The following GPNMB variants were observed in gnomAD, a reference collection of about 807,000 sequenced individuals.
GPNMB encodes the protein transmembrane glycoprotein NMB.
GPNMB carries 71 observed loss-of-function variants against 57.3 expected under a neutral mutation model. The observed-to-expected ratio is 1.24, with a 90% CI of 1.02 to 1.51. The LOEUF is 1.51. Among genes scored for constraint, GPNMB ranks in the 40% most tolerant of loss-of-function variants. GPNMB has a pLI of 0.00. For synonymous variants in GPNMB, 253 were observed against 263.2 expected (o/e 0.96, Z 0.38); for missense variants, 677 against 691.9 (o/e 0.98, Z 0.24).
rs577577242 is a variant in GPNMB, at chr7:23,273,214, T to C, written c.1430-307T>C. 6 of 259,832 alleles carry C rather than the reference T, an allele frequency of 2.3e-5. No homozygotes were observed. In the Admixed American group the frequency reaches 2.7e-4, roughly 12 times the overall value. The allele number at this position is 259,832 out of a possible 1,614,324, so 16.1% of individuals were successfully genotyped here. ...AGAGGAAGCTGGAGGCACGGCCGCC[T>C]GATCACAGGAGCCCTTCCACACGGT... On this transcript the variant is annotated intron_variant, in intron 9 of 10. Transcript: ENST00000258733.
chr7:23,253,270 A>C (rs1284397295), intron 1 of GPNMB, 37 bp from the exon 2 acceptor site: 9 of 1,594,894 alleles, frequency 5.6e-6, no homozygotes, highest in Middle Eastern at 1.7e-4. Context: ...GGTGATTACT[A>C]AATGAAGAAT....
rs546667838 is a variant in GPNMB, at chr7:23,261,660, T to C, written c.1018+887T>C. On this transcript the variant is annotated intron_variant, in intron 6 of 10. Coordinates refer to ENST00000258733, the MANE Select transcript of GPNMB (RefSeq NM_002510.3). ...GTAGGGGTAGGGAGGCGGGATGGCA[T>C]TAACAGAAATACCTATTGTAAATGA... 2.6e-5 allele frequency among the ~76,000 whole-genome samples: 4 copies of C among 152,046 alleles called. No homozygotes were observed. The East Asian group carries it at 7.7e-4, about 29-fold the overall frequency.
intron 9 of GPNMB, among the ~76,000 whole-genome samples, chr7:23,271,668 C>T (rs891975697): frequency 3.3e-5 from 5 of 151,794 alleles, no homozygotes; most frequent in South Asian, 2.1e-4. Flanking sequence ...TGGTGGTGGG[C>T]GCCTGTAGTC....
At chr7:23,252,694 C>G (rs78993607) in intron 1 of GPNMB, among the ~76,000 whole-genome samples, 5,594 of 152,178 alleles carry the variant, frequency 0.037, 323 homozygotes, top group African/African-American at 0.12. Flanking sequence ...CTCAGTAACT[C>G]AAATAACAAG....
intron 9 of GPNMB, among the ~76,000 whole-genome samples, chr7:23,271,395 TA>T (rs537500060): frequency 3.6e-4 from 55 of 152,350 alleles, no homozygotes; most frequent in African/African-American, 1.3e-3. Context: ...TACAATCTAA[TA>T]GCTCATTCAC....
chr7:23,266,662 C>A (rs1334862260), intron 7 of GPNMB, 47 bp downstream of exon 7: 15 of 1,571,180 alleles, frequency 9.5e-6, no homozygotes, highest in African/African-American at 1.4e-5. Context: ...TAGACTCCAC[C>A]TAGGGTCACC....
At chr7:23,260,196 G>C in intron 5 of GPNMB, 58 bp downstream of exon 5, 4 of 1,571,890 alleles carry the variant, frequency 2.5e-6, no homozygotes, top group Non-Finnish European at 3.5e-6. Context: ...ACGTCAATGG[G>C]TTAAAAAAGA....
intron 10 of GPNMB, 64 bp from the exon 11 acceptor site, chr7:23,274,001 G>T (rs151306653): frequency 2.4e-6 from 3 of 1,276,046 alleles, no homozygotes; most frequent in Non-Finnish European, 3.3e-6. Context: ...GAAAAAGATT[G>T]TAGAAAGTTG....
At position 23,262,221 on chromosome 7, in the gene GPNMB, A is replaced by G. The variant is rs900975472; in HGVS notation, c.1018+1448A>G. Among the ~76,000 whole-genome samples the G allele has an allele frequency of 3.3e-5, 5 of 152,372 alleles. No homozygotes were observed. The East Asian group carries it at 9.6e-4, about 29-fold the overall frequency. ...GTTATCACTGATTTCGATTATCTCA[A>G]AAATGTTTTAAATTACAAAGTTTAT... is the stretch of plus-strand genomic sequence containing the variant. On this transcript the variant is annotated intron_variant, in intron 6 of 10. Coordinates refer to ENST00000258733, the MANE Select transcript of GPNMB (RefSeq NM_002510.3).
At chr7:23,257,956 GAT>G (rs1782821267) in intron 4 of GPNMB, 1 of 152,056 alleles carries the variant, frequency 6.6e-6, no homozygotes, top group Non-Finnish European at 1.5e-5. Flanking sequence ...AGCATTTGAT[GAT>G]ATGATTTTTT....
At chr7:23,251,041 T>A (rs1356336005) in intron 1 of GPNMB, among the ~76,000 whole-genome samples, 1 of 152,196 alleles carries the variant, frequency 6.6e-6, no homozygotes, top group South Asian at 2.1e-4. Flanking sequence ...AGCAATCTCA[T>A]AGAATCACAG....
chr7:23,258,838 T>C (rs1782842790), intron 4 of GPNMB, among the ~76,000 whole-genome samples: 2 of 152,226 alleles, frequency 1.3e-5, no homozygotes, highest in Non-Finnish European at 2.9e-5. Flanking sequence ...GAGAGACCAG[T>C]GTGTTTTTCT....
Position 23,254,176 on chromosome 7 carries a change from T to C in GPNMB, c.231T>C (p.Arg77=), listed in dbSNP as rs755230681. ...MRWKNSWKGG[R]VQAVLTSDSP... is the part of the protein sequence containing the mutation. ...CACTTTTTTATACCCTAGGAGGCCG[T>C]GTGCAGGCGGTCCTGACCAGTGACT... The change falls in exon 3 of 11, where the codon CGT becomes CGC. Residue 77 remains arginine, a synonymous_variant. Coordinates refer to ENST00000258733, the MANE Select transcript of GPNMB (RefSeq NM_002510.3). 6 of 1,612,664 alleles carry C rather than the reference T, an allele frequency of 3.7e-6. No homozygotes were observed. In the South Asian group the frequency reaches 6.6e-5, roughly 18 times the overall value.
At chr7:23,266,124 A>AT (rs1372845899) in intron 6 of GPNMB, 1 of 160,806 alleles carries the variant, frequency 6.2e-6, no homozygotes, top group African/African-American at 2.4e-5. Context: ...AATTTTTTGT[A>AT]TTTTTTAGTA....
intron 3 of GPNMB, among the ~76,000 whole-genome samples, chr7:23,256,121 G>A (rs532945012): frequency 8.1e-4 from 123 of 152,190 alleles, no homozygotes; most frequent in African/African-American, 2.8e-3. Flanking sequence ...GGCCAGGCTG[G>A]TCTCGAACTC....
At chr7:23,269,815 A>T (rs1783155079) in intron 8 of GPNMB, 152 bp from the exon 9 acceptor site, 5 of 650,542 alleles carry the variant, frequency 7.7e-6, no homozygotes, top group Non-Finnish European at 1.4e-5. Context: ...AGATTATAAG[A>T]CTAACAATTC....
chr7:23,249,439 C>T (rs1280111834), intron 1 of GPNMB, among the ~76,000 whole-genome samples: 2 of 152,194 alleles, frequency 1.3e-5, no homozygotes, highest in African/African-American at 4.8e-5. Context: ...AGATGTATAG[C>T]CAAATCTACT....
chr7:23,253,759 C>T (rs907341091), intron 2 of GPNMB, among the ~76,000 whole-genome samples: 3 of 152,194 alleles, frequency 2.0e-5, no homozygotes, highest in Admixed American at 2.0e-4. Flanking sequence ...TCTTCAGAAA[C>T]CCAGTCACCC....
chr7:23,247,270 C>G (rs1562629473), intron 1 of GPNMB: 3 of 317,176 alleles, frequency 9.5e-6, no homozygotes, highest in South Asian at 9.4e-5. Context: ...ACCAACTAAA[C>G]TATGTCCAGC....
Sources: allele counts gnomAD v4.1 joint callset (sites outside exome capture counted in the v4.1 genomes callset), GRCh38; gene constraint gnomAD v4.1.1; transcripts MANE v1.5; gene names NCBI Gene and HGNC (gene_info 2026-07-23, HGNC 2026-07-21).